Variants in PPL observed in about 807,000 individuals in gnomAD.
PPL encodes the protein periplakin.
Under a neutral mutation model 194.4 loss-of-function variants are expected in PPL, and 198 were observed. The ratio of observed to expected loss-of-function variants is 1.02; its 90% confidence interval spans 0.91 to 1.15. The LOEUF (loss-of-function observed/expected upper bound fraction) is 1.15. PPL is among the 50% of genes most tolerant of loss of function. The pLI is 0.00. For synonymous variants in PPL, 1,220 were observed against 972.4 expected (o/e 1.25, Z -4.74); for missense variants, 2,885 against 2,294.8 (o/e 1.26, Z -5.25).
At chr16:4,919,504 T>C (rs940098560) in intron 1 of PPL, among the ~76,000 whole-genome samples, 1 of 152,166 alleles carries the variant, frequency 6.6e-6, no homozygotes, top group East Asian at 1.9e-4. Flanking sequence ...CCTCAAGTGA[T>C]CCTCCCATCT....
intron 1 of PPL, among the ~76,000 whole-genome samples, chr16:4,914,165 C>T (rs992744024): frequency 2.0e-5 from 3 of 152,136 alleles, no homozygotes; most frequent in East Asian, 1.9e-4. Context: ...TGGCACGTCC[C>T]GTGGGGTGGG....
In PPL at chr16:4,892,051, C is replaced by G. The variant is rs1287983884; in HGVS notation, c.1813G>C (p.Asp605His). The G allele has an allele frequency of 6.2e-7, 1 of 1,613,620 alleles. No individual in the cohort carries two copies. The highest frequency in any genetic ancestry group is 1.1e-5 in the South Asian group (1 of 91,084). The stretch of plus-strand genomic sequence containing the variant: ...GCCACCCACTTCTCCTGGGCCAAGT[C>G]CAGCAGCTGCAGGAGGTGCTCGTAT... Reference protein sequence around the residue: ...RKYEHLLQLLDLAQEKVDVAN... With the variant: ...RKYEHLLQLLHLAQEKVDVAN... The change falls in exon 15 of 22, where the codon GAC becomes CAC. Residue 605 changes from aspartate to histidine, a missense_variant. By Grantham distance (81) the Asp-to-His change is moderately conservative. Coordinates refer to ENST00000345988, the MANE Select transcript of PPL (RefSeq NM_002705.5).
intron 1 of PPL, among the ~76,000 whole-genome samples, chr16:4,927,400 A>C (rs1323465823): frequency 6.6e-6 from 1 of 152,194 alleles, no homozygotes; most frequent in African/African-American, 2.4e-5. Flanking sequence ...GTCCATGGAG[A>C]TTTTGACTTA....
chr16:4,921,020 G>C (rs1040147759), intron 1 of PPL, among the ~76,000 whole-genome samples: 13 of 152,208 alleles, frequency 8.5e-5, no homozygotes, highest in African/African-American at 3.1e-4. Context: ...TGACGCTGTG[G>C]GTCAGGGGCT....
chr16:4,890,141 C>G, intron 18 of PPL, 43 bp downstream of exon 18: 1 of 1,613,418 alleles, frequency 6.2e-7, no homozygotes, highest in Non-Finnish European at 8.5e-7. Context: ...TCTGACCCTC[C>G]CTTGCCAGTG....
chr16:4,897,846 G>T, intron 8 of PPL, 76 bp from the exon 9 acceptor site: 1 of 1,252,968 alleles, frequency 8.0e-7, no homozygotes, highest in Non-Finnish European at 1.2e-6. Flanking sequence ...TGGGATATTG[G>T]GCTGGGGCAT....
At chr16:4,915,401 A>G (rs2088898725) in intron 1 of PPL, among the ~76,000 whole-genome samples, 2 of 152,306 alleles carry the variant, frequency 1.3e-5, no homozygotes, top group South Asian at 4.1e-4. Flanking sequence ...GATGACCACA[A>G]AGGCATCCTG....
chr16:4,919,909 G>A (rs1276141755), intron 1 of PPL, among the ~76,000 whole-genome samples: 2 of 152,044 alleles, frequency 1.3e-5, no homozygotes, highest in Non-Finnish European at 2.9e-5. Context: ...TTCCAGCCTG[G>A]GAGATGGAGA....
At chr16:4,888,781 C>G (rs1596545277) in intron 19 of PPL, 197 bp downstream of exon 19, 1 of 585,456 alleles carries the variant, frequency 1.7e-6, no homozygotes, top group East Asian at 2.6e-5. Flanking sequence ...GAGTATAAAA[C>G]CCTTTTACAG....
At chr16:4,896,901 C>T (rs1215874120) in intron 9 of PPL, among the ~76,000 whole-genome samples, 1 of 151,870 alleles carries the variant, frequency 6.6e-6, no homozygotes, top group Non-Finnish European at 1.5e-5. Flanking sequence ...TCCCAGAGTG[C>T]TGGAATTACA....
intron 1 of PPL, among the ~76,000 whole-genome samples, chr16:4,934,897 T>C (rs1338231433): frequency 6.6e-6 from 1 of 152,164 alleles, no homozygotes; most frequent in East Asian, 1.9e-4. Context: ...AGGGATGCAC[T>C]GGGCTTGGAG....
Position 4,895,372 on chromosome 16 carries a change from C to T in PPL, c.1131G>A (p.Val377=). 1 of 1,613,426 alleles carries T rather than the reference C, an allele frequency of 6.2e-7. No individual in the cohort carries two copies. The highest frequency in any genetic ancestry group is 8.5e-7 in the Non-Finnish European group (1 of 1,179,990). The change falls in exon 11 of 22, where the codon GTG becomes GTA. Residue 377 remains valine (V), a synonymous_variant. Coordinates refer to ENST00000345988, the MANE Select transcript of PPL (RefSeq NM_002705.5). ...QEKVLDKYED[V]VQGLQKRGQQ... Reference sequence around the variant, plus strand: ...GGCCTCGCTTCTGCAGCCCCTGCACCACGTCCTCATACTTGTCCAGCACCT... The same window carrying T: ...GGCCTCGCTTCTGCAGCCCCTGCACTACGTCCTCATACTTGTCCAGCACCT...
rs777829374 is a variant in PPL, at chr16:4,902,390, C to T, written c.438+16G>A. ...CAGCTGAAACCCTGGAGCCAGCGGC[C>T]CCGTCCAGGCCATACCAGCTTCTCC... On this transcript the variant is annotated intron_variant, in intron 4 of 21. Coordinates refer to ENST00000345988, the MANE Select transcript of PPL (RefSeq NM_002705.5). The surrounding 1 kb of genome is among the most constrained non-coding windows in gnomAD (Gnocchi z 4.0). 2 of 1,612,964 alleles carry T rather than the reference C, an allele frequency of 1.2e-6. No homozygotes were observed. The highest frequency in any genetic ancestry group is 8.5e-7 in the Non-Finnish European group (1 of 1,179,430).
intron 1 of PPL, among the ~76,000 whole-genome samples, chr16:4,920,333 AAGAGAGAGAGAG>A (rs1162923677): frequency 6.2e-4 from 46 of 73,762 alleles, no homozygotes; most frequent in Non-Finnish European, 9.5e-4. Context: ...GAAAGAAAGA[AAGAGAGAGAGAG>A]AGAAAGAAAG....
chr16:4,935,306 G>A (rs1596595786), intron 1 of PPL, among the ~76,000 whole-genome samples: 1 of 152,152 alleles, frequency 6.6e-6, no homozygotes, highest in South Asian at 2.1e-4. Flanking sequence ...GAAGGAGGGA[G>A]GCTGGGAGGA....
intron 16 of PPL, chr16:4,891,566 A>G (rs2088319935): frequency 4.4e-6 from 2 of 455,872 alleles, no homozygotes; most frequent in African/African-American, 2.0e-5. Context: ...GGCATGTGCC[A>G]CTACACTGGC....
At chr16:4,924,732 C>T (rs1393496466) in intron 1 of PPL, among the ~76,000 whole-genome samples, 4 of 152,210 alleles carry the variant, frequency 2.6e-5, no homozygotes, top group Non-Finnish European at 5.9e-5. Flanking sequence ...GCAAGACACC[C>T]TTCCCCAGGT....
intron 1 of PPL, among the ~76,000 whole-genome samples, chr16:4,922,561 CTG>C (rs1172395051): frequency 2.0e-5 from 3 of 152,138 alleles, no homozygotes; most frequent in Non-Finnish European, 4.4e-5. Context: ...ACTGGAGAGA[CTG>C]AGACAGGAGA....
At chr16:4,892,242 G>A in intron 14 of PPL, 29 bp from the exon 15 acceptor site, 1 of 1,596,224 alleles carries the variant, frequency 6.3e-7, no homozygotes, top group Non-Finnish European at 8.6e-7. Flanking sequence ...CTCAGTTTTG[G>A]ACACAGCCAG....
Sources: gnomAD v4.1 joint callset for allele counts (sites outside exome capture counted in the v4.1 genomes callset) on GRCh38, gnomAD v4.1.1 for gene constraint, Gnocchi (gnomAD v3.1) non-coding constraint, MANE v1.5 for transcripts, NCBI Gene and HGNC (gene_info 2026-07-23, HGNC 2026-07-21) for gene names.